TMEM26: variants seen among roughly 807,000 people sequenced by gnomAD.
The protein encoded by TMEM26 is transmembrane protein 26.
In TMEM26, 38 loss-of-function variants were observed where a neutral mutation model predicts 28.8. The observed-to-expected ratio is 1.32, with a 90% confidence interval of 1.02 to 1.73. TMEM26 has a LOEUF of 1.73. Among genes scored for constraint, TMEM26 ranks in the 40% most tolerant of loss-of-function variants. The pLI is 0.00. For missense variants in TMEM26, 518 were observed against 447.1 expected, an observed-to-expected ratio of 1.16 and a Z score of -1.43; for synonymous variants, 227 against 182.9, an observed-to-expected ratio of 1.24 and a Z score of -1.95.
At chr10:61,415,407 C>G (rs1403056598) in intron 4 of TMEM26, among the ~76,000 whole-genome samples, 2 of 152,068 alleles carry the variant, frequency 1.3e-5, no homozygotes. Context: ...CTATACACAA[C>G]AGATGTTCAA....
rs778202821 is a variant in TMEM26, at chr10:61,431,344, G to C, written c.271-12C>G. 3 of 1,607,108 alleles carry C rather than the reference G, an allele frequency of 1.9e-6. No homozygotes were observed. Among genetic ancestry groups the C allele is most frequent in the Non-Finnish European group, 2.6e-6 (3 of 1,174,202 alleles). ...TGGATACTGCAATACTAAGAATGGGGTCAGGGAAGGCAATTATGGCAAAAA... is the reference window on the plus strand; with the variant it reads ...TGGATACTGCAATACTAAGAATGGGCTCAGGGAAGGCAATTATGGCAAAAA... On this transcript the variant is annotated splice_polypyrimidine_tract_variant and intron_variant, in intron 2 of 5. Coordinates refer to ENST00000399298, the MANE Select transcript of TMEM26 (RefSeq NM_178505.8).
At chr10:61,414,927 C>T in intron 4 of TMEM26, 2 of 950,158 alleles carry the variant, frequency 2.1e-6, no homozygotes, top group Non-Finnish European at 2.5e-6. Context: ...AAGAAATATT[C>T]CAGGTGTGAA....
chr10:61,421,221 A>T (rs1387444917), intron 4 of TMEM26, among the ~76,000 whole-genome samples: 1 of 152,142 alleles, frequency 6.6e-6, no homozygotes, highest in African/African-American at 2.4e-5. Context: ...GCATGGAGAA[A>T]TTAACAAGAA....
At chr10:61,451,010 A>C (rs1440439982) in intron 1 of TMEM26, among the ~76,000 whole-genome samples, 3 of 152,238 alleles carry the variant, frequency 2.0e-5, no homozygotes, top group Non-Finnish European at 4.4e-5. Context: ...ACAGGTAAGA[A>C]ATTGAGGCTG....
Position 61,407,575 on chromosome 10 carries a change from T to A in TMEM26, c.*2747A>T, listed in dbSNP as rs1839511883. 1 of 152,150 alleles carries A rather than the reference T, an allele frequency of 6.6e-6. No homozygotes were observed. The highest frequency in any genetic ancestry group is 2.4e-5 in the African/African-American group (1 of 41,446). 9.4% of individuals were successfully genotyped at this position (152,150 alleles called of 1,614,324 possible). ...GTAAGGGCAAAAGAAACCCACAAGA[T>A]GATCATGAGGTGTGTTTCCGCACAG... On this transcript the variant is annotated 3_prime_UTR_variant, in exon 6 of 6. Coordinates refer to ENST00000399298, the MANE Select transcript of TMEM26 (RefSeq NM_178505.8).
chr10:61,424,127 GA>G, intron 4 of TMEM26, among the ~76,000 whole-genome samples: 1 of 152,188 alleles, frequency 6.6e-6, no homozygotes, highest in Non-Finnish European at 1.5e-5. Context: ...ATACTGATTA[GA>G]AATAATCAAA....
At chr10:61,434,235 A>G (rs182987349) in intron 2 of TMEM26, among the ~76,000 whole-genome samples, 8 of 152,298 alleles carry the variant, frequency 5.3e-5, no homozygotes, top group African/African-American at 1.9e-4. Flanking sequence ...TCAGTGTCAA[A>G]ATGAGTCAAA....
intron 1 of TMEM26, among the ~76,000 whole-genome samples, chr10:61,442,998 A>G (rs1302052649): frequency 6.6e-6 from 1 of 152,152 alleles, no homozygotes; most frequent in African/African-American, 2.4e-5. Context: ...GCCACCACCC[A>G]TTAATCTTCT....
intron 4 of TMEM26, among the ~76,000 whole-genome samples, chr10:61,423,531 G>A (rs1839781375): frequency 6.6e-6 from 1 of 152,110 alleles, no homozygotes; most frequent in Non-Finnish European, 1.5e-5. Context: ...ACTGAAACCA[G>A]GAGTTCAAGA....
intron 5 of TMEM26, among the ~76,000 whole-genome samples, chr10:61,412,248 CTGTGTG>C (rs35301641): frequency 6.7e-6 from 1 of 150,290 alleles, no homozygotes; most frequent in African/African-American, 2.4e-5. Context: ...ATGACAAAAT[CTGTGTG>C]TGTGTGTGTG....
At chr10:61,436,089 C>A in intron 2 of TMEM26, 81 bp downstream of exon 2, 2 of 870,522 alleles carry the variant, frequency 2.3e-6, no homozygotes, top group Middle Eastern at 2.3e-4. Context: ...TAGAAAAGTG[C>A]ATTCCGAAAA....
At chr10:61,415,681 T>C (rs546781736) in intron 4 of TMEM26, among the ~76,000 whole-genome samples, 1 of 152,188 alleles carries the variant, frequency 6.6e-6, no homozygotes, top group Admixed American at 6.6e-5. Flanking sequence ...GGACATTACA[T>C]TATATTATTT....
At chr10:61,435,382 C>G (rs995475385) in intron 2 of TMEM26, among the ~76,000 whole-genome samples, 1 of 152,096 alleles carries the variant, frequency 6.6e-6, no homozygotes, top group Middle Eastern at 3.2e-3. Flanking sequence ...GGTTTCACCA[C>G]GTTGGCCAGG....
intron 1 of TMEM26, among the ~76,000 whole-genome samples, chr10:61,443,658 A>G (rs1468724173): frequency 6.6e-6 from 1 of 152,196 alleles, no homozygotes; most frequent in African/African-American, 2.4e-5. Flanking sequence ...TAAAGAGAAG[A>G]TACTACTGAA....
intron 2 of TMEM26, among the ~76,000 whole-genome samples, chr10:61,434,400 C>T (rs1372093621): frequency 6.6e-6 from 1 of 152,136 alleles, no homozygotes; most frequent in East Asian, 1.9e-4. Flanking sequence ...AATTGTGCAA[C>T]AAATTTATAT....
In TMEM26 at chr10:61,429,085, T is replaced by A; in HGVS notation, c.446A>T (p.His149Leu). Reference protein sequence around the residue: ...VCEKVWTLGLHQTFLLMLIIG... With the variant: ...VCEKVWTLGLLQTFLLMLIIG... ...TATTAGCATTAACAGGAATGTCTGA[T>A]GGAGTCCCAATGTCCAAACTTTCTC... The change falls in exon 4 of 6, where the codon CAT becomes CTT. Residue 149 changes from histidine to leucine, a missense_variant. Physicochemically the swap from His to Leu is moderately conservative, Grantham distance 99. Transcript: ENST00000399298. The A allele has an allele frequency of 6.2e-7, 1 of 1,613,374 alleles. No homozygotes were observed. Among genetic ancestry groups the A allele is most frequent in the Non-Finnish European group, 8.5e-7 (1 of 1,179,472 alleles).
chr10:61,429,994 G>A (rs548687635), intron 3 of TMEM26, among the ~76,000 whole-genome samples: 4 of 152,082 alleles, frequency 2.6e-5, no homozygotes, highest in East Asian at 1.9e-4. Flanking sequence ...GCACAAGGAC[G>A]GATAAAAGAC....
intron 4 of TMEM26, chr10:61,415,061 G>C (rs1839628996): frequency 2.0e-6 from 2 of 985,204 alleles, no homozygotes; most frequent in Admixed American, 6.2e-5. Flanking sequence ...GACATTGATG[G>C]AAGGCTTCTC....
chr10:61,448,630 T>G (rs1188551524), intron 1 of TMEM26, among the ~76,000 whole-genome samples: 1 of 151,674 alleles, frequency 6.6e-6, no homozygotes, highest in Non-Finnish European at 1.5e-5. Flanking sequence ...TTTTTTTTTT[T>G]TTTTGGTCTG....
Sources: allele counts gnomAD v4.1 joint callset (sites outside exome capture counted in the v4.1 genomes callset), GRCh38; gene constraint gnomAD v4.1.1; transcripts MANE v1.5; gene names NCBI Gene and HGNC (gene_info 2026-07-23, HGNC 2026-07-21).